Variants in HS6ST3 observed in about 807,000 individuals in gnomAD.
HS6ST3 encodes heparan sulfate 6-O-sulfotransferase 3, also known as heparan-sulfate 6-O-sulfotransferase 3.
Under a neutral mutation model 36.7 loss-of-function variants are expected in HS6ST3, and 12 were observed. The observed-to-expected ratio is 0.33, with a 90% CI of 0.21 to 0.53. The LOEUF is 0.53. Ranked by LOEUF, HS6ST3 falls within the 20% of genes least tolerant of loss-of-function variation. The pLI is 0.95. For synonymous variants in HS6ST3, 240 were observed against 257.5 expected (o/e 0.93, Z 0.65); for missense variants, 584 against 640.9 (o/e 0.91, Z 0.96).
intron 1 of HS6ST3, among the ~76,000 whole-genome samples, chr13:96,721,359 G>A (rs61970581): frequency 0.041 from 6,272 of 152,156 alleles, 176 homozygotes; most frequent in South Asian, 0.06. Context: ...TGTCTCTGAG[G>A]GAGATTTTTC....
intron 1 of HS6ST3, among the ~76,000 whole-genome samples, chr13:96,728,042 A>C (rs969292635): frequency 6.6e-6 from 1 of 152,128 alleles, no homozygotes; most frequent in African/African-American, 2.4e-5. Context: ...TTATCTATCT[A>C]TTCCACTGGT....
chr13:96,321,254 G>A (rs745329724), intron 1 of HS6ST3, among the ~76,000 whole-genome samples: 4 of 152,154 alleles, frequency 2.6e-5, no homozygotes, highest in East Asian at 1.9e-4. Context: ...ATCCCTCCAC[G>A]TTGAAGTTGT....
intron 1 of HS6ST3, among the ~76,000 whole-genome samples, chr13:96,364,410 A>G (rs192407901): frequency 6.6e-6 from 1 of 152,338 alleles, no homozygotes; most frequent in Admixed American, 6.5e-5. Context: ...ACAATGGAAT[A>G]TTATTCAGTC....
At chr13:96,450,073 T>G (rs1485307625) in intron 1 of HS6ST3, among the ~76,000 whole-genome samples, 1 of 152,218 alleles carries the variant, frequency 6.6e-6, no homozygotes, top group Non-Finnish European at 1.5e-5. Flanking sequence ...TGCCTTATGT[T>G]CCAAAGACCC....
chr13:96,729,612 A>G (rs149944028), intron 1 of HS6ST3, among the ~76,000 whole-genome samples: 9 of 149,786 alleles, frequency 6.0e-5, no homozygotes, highest in Admixed American at 1.3e-4. Flanking sequence ...CCATGCCACC[A>G]TGCCCAGCTA....
At chr13:96,715,933 C>G (rs979084624) in intron 1 of HS6ST3, among the ~76,000 whole-genome samples, 2 of 151,872 alleles carry the variant, frequency 1.3e-5, no homozygotes, top group African/African-American at 4.8e-5. Flanking sequence ...GAGACTTTTT[C>G]TTTTATAATT....
intron 1 of HS6ST3, among the ~76,000 whole-genome samples, chr13:96,204,250 CAAAGA>C (rs1168858548): frequency 6.6e-6 from 1 of 152,056 alleles, no homozygotes; most frequent in Non-Finnish European, 1.5e-5. Context: ...TCAAAACAGA[CAAAGA>C]AGAGCATAAC....
intron 1 of HS6ST3, among the ~76,000 whole-genome samples, chr13:96,712,559 C>T (rs1021629485): frequency 2.6e-5 from 4 of 152,132 alleles, no homozygotes; most frequent in African/African-American, 9.7e-5. Context: ...AACTCGCCAC[C>T]AGCACTGCAC....
At chr13:96,622,660 C>T (rs566255640) in intron 1 of HS6ST3, among the ~76,000 whole-genome samples, 4 of 152,280 alleles carry the variant, frequency 2.6e-5, no homozygotes, top group Admixed American at 1.3e-4. Flanking sequence ...TCTGTACTAT[C>T]TACTTTTCCC....
intron 1 of HS6ST3, among the ~76,000 whole-genome samples, chr13:96,297,259 T>C (rs988239889): frequency 6.6e-6 from 1 of 152,162 alleles, no homozygotes; most frequent in Non-Finnish European, 1.5e-5. Context: ...AGGTTTCTAG[T>C]TTCTCCCCTA....
intron 1 of HS6ST3, among the ~76,000 whole-genome samples, chr13:96,703,790 A>C (rs900160034): frequency 6.6e-6 from 1 of 152,172 alleles, no homozygotes; most frequent in Non-Finnish European, 1.5e-5. Flanking sequence ...TCAAATTGTA[A>C]TCCCCGTTTA....
At chr13:96,423,404 G>A (rs894848158) in intron 1 of HS6ST3, among the ~76,000 whole-genome samples, 5 of 151,830 alleles carry the variant, frequency 3.3e-5, no homozygotes, top group Non-Finnish European at 7.4e-5. Flanking sequence ...AATAAAAGTG[G>A]ATGCTGTCAG....
In HS6ST3 at chr13:96,354,440, A is replaced by G. The variant is rs139420925; in HGVS notation, c.707+262871A>G. Among the ~76,000 whole-genome samples the G allele has an allele frequency of 2.0e-5, 3 of 152,180 alleles. No homozygotes were observed. In the East Asian group the frequency reaches 5.8e-4, roughly 29 times the overall value. The stretch of plus-strand genomic sequence containing the variant: ...AAAAAAAATCTTAATTTCAATCATT[A>G]TTTTCCATTTTGTACTCTTTTACTT... On this transcript the variant is annotated intron_variant, in intron 1 of 1. Transcript: ENST00000376705.
chr13:96,789,882 G>T (rs552707774), intron 1 of HS6ST3, among the ~76,000 whole-genome samples: 7 of 151,800 alleles, frequency 4.6e-5, no homozygotes, highest in Admixed American at 1.3e-4. Flanking sequence ...ATTATGATGT[G>T]TCTGGGTTGG....
At chr13:96,255,713 CT>C (rs887210910) in intron 1 of HS6ST3, among the ~76,000 whole-genome samples, 1 of 152,140 alleles carries the variant, frequency 6.6e-6, no homozygotes, top group African/African-American at 2.4e-5. Flanking sequence ...TAGCCTTTGT[CT>C]TCTCTTCATA....
rs148950409 is a variant in HS6ST3 at position 96,523,384 on chromosome 13, G to A, written c.708-309106G>A. ...GAGGAGTATCTTTGTGGTGTTCTCT[G>A]TATTTCCCGAATTTGAATGTTGACC... On this transcript the variant is annotated intron_variant, in intron 1 of 1. Transcript: ENST00000376705. Among the ~76,000 whole-genome samples, 978 of 152,240 alleles carry A rather than the reference G, an allele frequency of 6.4e-3. 16 individuals carry two copies. The highest frequency in any genetic ancestry group is 0.022 in the African/African-American group (908 of 41,534).
intron 1 of HS6ST3, among the ~76,000 whole-genome samples, chr13:96,281,885 A>G (rs2054777594): frequency 6.6e-6 from 1 of 152,202 alleles, no homozygotes; most frequent in Non-Finnish European, 1.5e-5. Flanking sequence ...AGTCAATGCT[A>G]CAGGAAAAGC....
intron 1 of HS6ST3, among the ~76,000 whole-genome samples, chr13:96,694,330 C>A (rs935331734): frequency 5.3e-5 from 8 of 152,140 alleles, no homozygotes; most frequent in Admixed American, 2.0e-4. Context: ...CATGTTCCTG[C>A]AAAGGACATG....
In HS6ST3 at chr13:96,833,027, C is replaced by A; in HGVS notation, c.1245C>A (p.Phe415Leu). 1 of 1,613,882 alleles carries A rather than the reference C, an allele frequency of 6.2e-7. No individual in the cohort carries two copies. Among genetic ancestry groups the A allele is most frequent in the South Asian group, 1.1e-5 (1 of 91,076 alleles). The change falls in exon 2 of 2, where the codon TTC becomes TTA. Residue 415 changes from phenylalanine to leucine, a missense_variant. This residue lies in a region of HS6ST3 where 360 missense variants were observed against 411.3 expected (regional missense o/e 0.88). Transcript: ENST00000376705. ...TTTACGAGTATGCAAAAGATCTCTT[C>A]CAGCAGCGCTACCACCACACCAAGC... Reference protein sequence around the residue: ...MQLYEYAKDLFQQRYHHTKQL... With the variant: ...MQLYEYAKDLLQQRYHHTKQL...
Sources: allele counts gnomAD v4.1 joint callset (sites outside exome capture counted in the v4.1 genomes callset), GRCh38; gene constraint gnomAD v4.1.1; regional missense constraint gnomAD v4.1.1; transcripts MANE v1.5; gene names NCBI Gene and HGNC (gene_info 2026-07-23, HGNC 2026-07-21).